EXOC2: variants seen among roughly 807,000 people sequenced by gnomAD.
EXOC2 encodes SEC5-like 1.
Under a neutral mutation model 131.8 loss-of-function variants are expected in EXOC2, and 70 were observed. The observed-to-expected ratio is 0.53, with a 90% CI of 0.44 to 0.65. EXOC2 has a LOEUF of 0.65. EXOC2 is among the 30% of genes least tolerant of loss of function. The pLI, the probability that EXOC2 is intolerant of heterozygous loss-of-function variation, is 0.00. For synonymous variants in EXOC2, 411 were observed against 398.4 expected (o/e 1.03, Z -0.38); for missense variants, 923 against 1,108.6 (o/e 0.83, Z 2.38).
At chr6:685,525 T>A (rs895129473) in intron 1 of EXOC2, among the ~76,000 whole-genome samples, 3 of 152,186 alleles carry the variant, frequency 2.0e-5, no homozygotes, top group Admixed American at 6.5e-5. Context: ...CAGTTCTCTA[T>A]AAACACAGAC....
intron 11 of EXOC2, among the ~76,000 whole-genome samples, chr6:578,577 T>C (rs1488322821): frequency 6.6e-6 from 1 of 152,200 alleles, no homozygotes; most frequent in East Asian, 1.9e-4. Context: ...TCCCCACAAA[T>C]TCTAGCTGGT....
At chr6:656,392 G>A (rs750894700) in intron 1 of EXOC2, 3 of 1,614,196 alleles carry the variant, frequency 1.9e-6, no homozygotes, top group East Asian at 2.2e-5. Context: ...CTGCCACTGA[G>A]GTTTGCTTCC....
chr6:556,637 A>C, intron 17 of EXOC2, 73 bp from the exon 18 acceptor site: 1 of 1,500,248 alleles, frequency 6.7e-7, no homozygotes, highest in South Asian at 1.2e-5. Flanking sequence ...ACACAAGCGA[A>C]TATGGCCCCA....
rs12194232 is a variant in EXOC2, at chr6:519,166, G to C, written c.2380+13303C>G. Among the ~76,000 whole-genome samples the C allele has an allele frequency of 4.8e-4, 10 of 20,906 alleles. 2 individuals carry two copies. Among genetic ancestry groups the C allele is most frequent in the African/African-American group, 1.7e-3 (10 of 5,758 alleles). 13.7% of individuals were successfully genotyped at this position (20,906 alleles called of 152,430 possible). ...ACTCACCGTCCACACTCGGAGACGA[G>C]AACCACCACCCACTGAGCGCCGACA... On this transcript the variant is annotated intron_variant, in intron 23 of 27. Coordinates refer to ENST00000230449, the MANE Select transcript of EXOC2 (RefSeq NM_018303.6).
chr6:600,001 A>G (rs1760043301), intron 7 of EXOC2, among the ~76,000 whole-genome samples: 1 of 152,194 alleles, frequency 6.6e-6, no homozygotes, highest in Admixed American at 6.5e-5. Flanking sequence ...ACGAAAGGAG[A>G]GAAAAAAGAT....
At chr6:555,551 A>G (rs144636338) in intron 19 of EXOC2, among the ~76,000 whole-genome samples, 2 of 152,326 alleles carry the variant, frequency 1.3e-5, no homozygotes, top group South Asian at 2.1e-4. Flanking sequence ...GTAAAGATAT[A>G]TTCCGGAAAA....
At chr6:616,811 C>T (rs1052897522) in intron 6 of EXOC2, among the ~76,000 whole-genome samples, 6 of 151,138 alleles carry the variant, frequency 4.0e-5, no homozygotes, top group African/African-American at 4.9e-5. Flanking sequence ...GGCGCGATCT[C>T]GGCTCACTGC....
At chr6:503,388 G>A (rs1764343548) in intron 23 of EXOC2, among the ~76,000 whole-genome samples, 1 of 152,228 alleles carries the variant, frequency 6.6e-6, no homozygotes, top group South Asian at 2.1e-4. Flanking sequence ...TTACAAGTTT[G>A]ACCTGCCAAT....
At chr6:571,522 T>C (rs1328421058) in intron 13 of EXOC2, among the ~76,000 whole-genome samples, 1 of 152,230 alleles carries the variant, frequency 6.6e-6, no homozygotes, top group Non-Finnish European at 1.5e-5. Flanking sequence ...CATGAATTTA[T>C]GGTCATGGCC....
chr6:513,306 G>C (rs115951422), intron 23 of EXOC2, among the ~76,000 whole-genome samples: 1 of 152,244 alleles, frequency 6.6e-6, no homozygotes, highest in East Asian at 1.9e-4. Flanking sequence ...ACGTGTCCAC[G>C]AGCAGCACAG....
chr6:675,526 ACAGG>A (rs1764072814), intron 1 of EXOC2, among the ~76,000 whole-genome samples: 1 of 56,658 alleles, frequency 1.8e-5, no homozygotes, highest in African/African-American at 4.7e-5. Flanking sequence ...TACAGAAAGG[ACAGG>A]TTCCTCTGGA....
chr6:592,626 G>A (rs1156843003), intron 10 of EXOC2, 39 bp from the exon 11 acceptor site: 2 of 1,471,832 alleles, frequency 1.4e-6, no homozygotes, highest in Admixed American at 3.5e-5. Context: ...AAAGGGAAAT[G>A]CTGGCATATT....
chr6:503,165 CT>C (rs34676213), intron 23 of EXOC2, among the ~76,000 whole-genome samples: 38,383 of 146,678 alleles, frequency 0.26, 5,618 homozygotes, highest in African/African-American at 0.42. Flanking sequence ...GGAGCAAGTA[CT>C]TTTTTTTTTT....
intron 6 of EXOC2, among the ~76,000 whole-genome samples, chr6:613,359 T>A (rs937462169): frequency 2.0e-5 from 3 of 151,636 alleles, no homozygotes; most frequent in Non-Finnish European, 4.4e-5. Flanking sequence ...GAATACCGGG[T>A]TGGGATGGAC....
intron 1 of EXOC2, among the ~76,000 whole-genome samples, chr6:638,302 CT>C (rs1459879165): frequency 6.6e-6 from 1 of 152,132 alleles, no homozygotes; most frequent in African/African-American, 2.4e-5. Flanking sequence ...TTTCAGTTTA[CT>C]TTTGTGTTTA....
intron 25 of EXOC2, among the ~76,000 whole-genome samples, chr6:496,974 CAA>C (rs1763778921): frequency 6.6e-6 from 1 of 152,170 alleles, no homozygotes; most frequent in African/African-American, 2.4e-5. Flanking sequence ...GTAATTTAAA[CAA>C]AAGAGACAGT....
intron 23 of EXOC2, among the ~76,000 whole-genome samples, chr6:503,800 T>C (rs1182645225): frequency 1.3e-5 from 2 of 152,172 alleles, no homozygotes; most frequent in Non-Finnish European, 2.9e-5. Context: ...CCTTTCTCTC[T>C]TCACTCCGGC....
intron 3 of EXOC2, among the ~76,000 whole-genome samples, chr6:630,330 G>C (rs958480705): frequency 6.6e-6 from 1 of 152,114 alleles, no homozygotes; most frequent in Admixed American, 6.5e-5. Flanking sequence ...AAAAAATTCA[G>C]AAAGTCAGTA....
chr6:605,471 T>C (rs1463492953), intron 7 of EXOC2, among the ~76,000 whole-genome samples: 2 of 152,224 alleles, frequency 1.3e-5, no homozygotes, highest in Non-Finnish European at 2.9e-5. Flanking sequence ...TTCTTCTAGA[T>C]TTTCTAGTTC....
Sources: gnomAD v4.1 joint callset for allele counts (sites outside exome capture counted in the v4.1 genomes callset) on GRCh38, gnomAD v4.1.1 for gene constraint, MANE v1.5 for transcripts, NCBI Gene and HGNC (gene_info 2026-07-23, HGNC 2026-07-21) for gene names.